CSMD1: variants seen among roughly 807,000 people sequenced by gnomAD.
CSMD1 encodes CUB and Sushi multiple domains 1.
In CSMD1, 213 loss-of-function variants were observed where a neutral mutation model predicts 417.5. The observed-to-expected ratio is 0.51, with a 90% confidence interval of 0.46 to 0.57. CSMD1 has a LOEUF of 0.57. Ranked by LOEUF, CSMD1 falls within the 20% of genes least tolerant of loss-of-function variation. The pLI, the probability that CSMD1 is intolerant of heterozygous loss-of-function variation, is 0.00. For synonymous variants in CSMD1, 2,862 were observed against 1,736.8 expected, an observed-to-expected ratio of 1.65 and a Z score of -16.11; for missense variants, 6,923 against 4,529.7, an observed-to-expected ratio of 1.53 and a Z score of -15.17.
intron 10 of CSMD1, among the ~76,000 whole-genome samples, chr8:3,499,523 C>T (rs891732345): frequency 6.6e-6 from 1 of 152,024 alleles, no homozygotes; most frequent in East Asian, 1.9e-4. Flanking sequence ...TCACTGCTGG[C>T]AGCAGTACCC....
intron 51 of CSMD1, among the ~76,000 whole-genome samples, chr8:3,019,104 G>C (rs1809130585): frequency 6.6e-6 from 1 of 152,134 alleles, no homozygotes; most frequent in Non-Finnish European, 1.5e-5. Context: ...TTTTAGTAGA[G>C]ACAGTGTTTT....
At chr8:4,887,887 T>G (rs115996977) in intron 1 of CSMD1, among the ~76,000 whole-genome samples, 1,788 of 152,122 alleles carry the variant, frequency 0.012, 50 homozygotes, top group African/African-American at 0.041. Flanking sequence ...AATGCGTTAG[T>G]TTTCATTCTT....
At chr8:4,259,106 G>A (rs1803689864) in intron 3 of CSMD1, among the ~76,000 whole-genome samples, 1 of 152,134 alleles carries the variant, frequency 6.6e-6, no homozygotes, top group African/African-American at 2.4e-5. Context: ...ACCTCTGAAA[G>A]GTCGTACTTT....
At chr8:3,555,133 T>C (rs1799088371) in intron 10 of CSMD1, among the ~76,000 whole-genome samples, 1 of 151,702 alleles carries the variant, frequency 6.6e-6, no homozygotes, top group Non-Finnish European at 1.5e-5. Context: ...GCTATTAAAT[T>C]ATGAGCAAAA....
At chr8:3,424,337 G>C (rs138826836) in intron 12 of CSMD1, among the ~76,000 whole-genome samples, 64 of 152,232 alleles carry the variant, frequency 4.2e-4, no homozygotes, top group African/African-American at 1.4e-3. Flanking sequence ...AATAATCTCT[G>C]ATTAGCAAAC....
At chr8:4,463,465 G>A (rs1799964400) in intron 2 of CSMD1, among the ~76,000 whole-genome samples, 1 of 152,132 alleles carries the variant, frequency 6.6e-6, no homozygotes, top group South Asian at 2.1e-4. Context: ...TATGCAAATG[G>A]TTATAGCAGA....
At chr8:3,225,451 G>T (rs1042893030) in intron 27 of CSMD1, among the ~76,000 whole-genome samples, 1 of 151,700 alleles carries the variant, frequency 6.6e-6, no homozygotes, top group African/African-American at 2.4e-5. Flanking sequence ...AGCTCTCACA[G>T]GGCAGTGCCT....
chr8:4,105,709 C>T (rs1356554341), intron 3 of CSMD1, among the ~76,000 whole-genome samples: 1 of 152,202 alleles, frequency 6.6e-6, no homozygotes, highest in African/African-American at 2.4e-5. Flanking sequence ...TGGGGTACCC[C>T]ATGGCAAGAT....
At chr8:4,482,510 G>A (rs532628867) in intron 2 of CSMD1, among the ~76,000 whole-genome samples, 56 of 152,136 alleles carry the variant, frequency 3.7e-4, no homozygotes, top group Admixed American at 3.7e-3. Context: ...GGGCATTTAG[G>A]TTGACTCCAT....
At chr8:4,042,615 G>T (rs1585192120) in intron 3 of CSMD1, among the ~76,000 whole-genome samples, 2 of 151,612 alleles carry the variant, frequency 1.3e-5, no homozygotes, top group Non-Finnish European at 2.9e-5. Context: ...ATACCCGTAT[G>T]GGGAATTATA....
intron 39 of CSMD1, among the ~76,000 whole-genome samples, chr8:3,155,892 C>T (rs139262636): frequency 6.8e-4 from 104 of 152,286 alleles, no homozygotes; most frequent in African/African-American, 2.1e-3. Flanking sequence ...TTACAGGTTT[C>T]GTGCAGTTTT....
At chr8:4,376,577 TACA>T (rs1405036322) in intron 3 of CSMD1, among the ~76,000 whole-genome samples, 3 of 152,140 alleles carry the variant, frequency 2.0e-5, no homozygotes, top group Non-Finnish European at 4.4e-5. Context: ...TTGTTGTTGT[TACA>T]ACATTGAGTT....
chr8:3,770,527 T>A (rs1470015377), intron 5 of CSMD1, among the ~76,000 whole-genome samples: 3 of 151,786 alleles, frequency 2.0e-5, no homozygotes, highest in Admixed American at 1.3e-4. Context: ...AGACTCCATC[T>A]CAAAAAATAA....
chr8:3,564,191 A>C (rs909558518), intron 10 of CSMD1, among the ~76,000 whole-genome samples: 1 of 152,178 alleles, frequency 6.6e-6, no homozygotes, highest in East Asian at 1.9e-4. Flanking sequence ...ATATATAATA[A>C]ATTATCATTA....
intron 1 of CSMD1, among the ~76,000 whole-genome samples, chr8:4,728,831 CAAA>C (rs577210626): frequency 6.6e-6 from 1 of 151,534 alleles, no homozygotes; most frequent in East Asian, 1.9e-4. Context: ...CACCTCGAAA[CAAA>C]AAGCTGGCAT....
chr8:4,022,924 A>G (rs982878212), intron 4 of CSMD1, among the ~76,000 whole-genome samples: 6 of 152,228 alleles, frequency 3.9e-5, no homozygotes, highest in African/African-American at 1.4e-4. Flanking sequence ...GTGTGCAACT[A>G]AGTAATGAGA....
chr8:3,518,795 C>G lies in CSMD1; in HGVS notation c.1345-25069G>C, dbSNP rs577805155. Among the ~76,000 whole-genome samples, 5 of 152,224 alleles carry G rather than the reference C, an allele frequency of 3.3e-5. No individual in the cohort carries two copies. In the East Asian group the frequency reaches 5.8e-4, roughly 18 times the overall value. On this transcript the variant is annotated intron_variant, in intron 10 of 69. Transcript: ENST00000635120. ...TGTTAGAATTAATTACTAGATGGAA[C>G]TAGACACCATGCAAACTTTCTATAA...
At chr8:3,316,314 A>G (rs1488432109) in intron 23 of CSMD1, among the ~76,000 whole-genome samples, 2 of 151,964 alleles carry the variant, frequency 1.3e-5, no homozygotes, top group South Asian at 2.1e-4. Flanking sequence ...AAGGAAAATA[A>G]TGAGCTGTAA....
chr8:4,708,716 A>T (rs1584976505), intron 1 of CSMD1, among the ~76,000 whole-genome samples: 1 of 152,210 alleles, frequency 6.6e-6, no homozygotes, highest in South Asian at 2.1e-4. Context: ...GTGGCGGTGG[A>T]ATTGTGACCC....
Sources: allele counts gnomAD v4.1 joint callset (sites outside exome capture counted in the v4.1 genomes callset), GRCh38; gene constraint gnomAD v4.1.1; transcripts MANE v1.5; gene names NCBI Gene and HGNC (gene_info 2026-07-23, HGNC 2026-07-21).